PDE4B: variants seen among roughly 807,000 people sequenced by gnomAD.
The protein encoded by PDE4B is 3',5'-cyclic-AMP phosphodiesterase 4B.
PDE4B carries 20 observed loss-of-function variants against 82.2 expected under a neutral mutation model. That is an observed-to-expected ratio of 0.24 (90% CI 0.17 to 0.35). PDE4B has a LOEUF of 0.35. Among genes scored for constraint, PDE4B ranks in the 10% least tolerant of loss-of-function variants. PDE4B has a pLI of 1.00. For missense variants in PDE4B, 655 were observed against 907.2 expected (o/e 0.72, Z 3.57); for synonymous variants, 320 against 318.9 (o/e 1.00, Z -0.04).
At chr1:66,332,643 A>T (rs1408065617) in intron 8 of PDE4B, 23 bp downstream of exon 8, 1 of 1,607,098 alleles carries the variant, frequency 6.2e-7, no homozygotes, top group African/African-American at 1.3e-5. Flanking sequence ...CTTTTTATTC[A>T]TTAAAGTGTG....
chr1:65,879,181 G>C (rs1447976064), intron 1 of PDE4B, among the ~76,000 whole-genome samples: 2 of 152,104 alleles, frequency 1.3e-5, no homozygotes, highest in Non-Finnish European at 2.9e-5. Context: ...ATATGCAGTA[G>C]TCAAAATTCT....
intron 1 of PDE4B, among the ~76,000 whole-genome samples, chr1:65,819,787 T>G (rs1645932261): frequency 6.6e-6 from 1 of 152,120 alleles, no homozygotes; most frequent in Non-Finnish European, 1.5e-5. Flanking sequence ...GCCTGGCATA[T>G]TCTCTTGTTT....
intron 3 of PDE4B, among the ~76,000 whole-genome samples, chr1:65,927,907 G>A (rs1241929596): frequency 6.6e-6 from 1 of 152,058 alleles, no homozygotes; most frequent in Non-Finnish European, 1.5e-5. Context: ...ATGAGTCCGG[G>A]AACCCACTGG....
chr1:65,926,884 A>G (rs1321417224), intron 3 of PDE4B, among the ~76,000 whole-genome samples: 1 of 152,182 alleles, frequency 6.6e-6, no homozygotes, highest in Non-Finnish European at 1.5e-5. Context: ...AAAAACAGAC[A>G]TATAGAGGAA....
chr1:66,029,730 C>A (rs1252961477), intron 3 of PDE4B, among the ~76,000 whole-genome samples: 2 of 152,060 alleles, frequency 1.3e-5, no homozygotes, highest in South Asian at 2.1e-4. Context: ...ATCTTTACAG[C>A]ATAATGAATT....
At chr1:66,248,740 G>C (rs945651015) in intron 4 of PDE4B, among the ~76,000 whole-genome samples, 2 of 152,198 alleles carry the variant, frequency 1.3e-5, no homozygotes, top group Admixed American at 6.5e-5. Flanking sequence ...CAAAAAATGT[G>C]CATGCTGTCA....
intron 7 of PDE4B, among the ~76,000 whole-genome samples, chr1:66,299,985 T>C (rs1366242330): frequency 6.6e-6 from 1 of 152,186 alleles, no homozygotes; most frequent in Non-Finnish European, 1.5e-5. Context: ...GAATTAATAA[T>C]GGCATGAATA....
chr1:66,074,619 G>C (rs1007370073), intron 3 of PDE4B, among the ~76,000 whole-genome samples: 4 of 151,996 alleles, frequency 2.6e-5, no homozygotes, highest in African/African-American at 9.7e-5. Flanking sequence ...TGTACCCATT[G>C]AACCAGTTGC....
At chr1:66,067,349 T>G (rs911605901) in intron 3 of PDE4B, among the ~76,000 whole-genome samples, 2 of 152,106 alleles carry the variant, frequency 1.3e-5, no homozygotes, top group African/African-American at 4.8e-5. Flanking sequence ...CTCCAGCACC[T>G]GTTGTTTCCT....
chr1:66,056,557 A>G (rs1201598179), intron 3 of PDE4B, among the ~76,000 whole-genome samples: 1 of 140,332 alleles, frequency 7.1e-6, no homozygotes, highest in Non-Finnish European at 1.6e-5. Flanking sequence ...CTATCTATCT[A>G]TATCCTTACT....
intron 3 of PDE4B, among the ~76,000 whole-genome samples, chr1:65,997,908 A>C (rs1651639868): frequency 6.6e-6 from 1 of 152,196 alleles, no homozygotes; most frequent in Non-Finnish European, 1.5e-5. Flanking sequence ...AGAGTGAGTC[A>C]ATGTGTTAAG....
rs565976473 is a variant in PDE4B at position 66,324,981 on chromosome 1, G to GA, written c.635-7521dup. On this transcript the variant is annotated intron_variant, in intron 7 of 16. Transcript: ENST00000341517. Reference sequence around the variant, plus strand: ...AGAAAAATTATATCTAACTCTAAGGGAAAAAATCACAACCAAGATTGCCAA... The same window carrying GA: ...AGAAAAATTATATCTAACTCTAAGGGAAAAAAATCACAACCAAGATTGCCAA... Among the ~76,000 whole-genome samples the GA allele has an allele frequency of 2.2e-3, 336 of 152,212 alleles. 1 individual carries two copies. The highest frequency in any genetic ancestry group is 7.7e-3 in the African/African-American group (318 of 41,542).
chr1:66,063,742 G>C (rs993199312), intron 3 of PDE4B, among the ~76,000 whole-genome samples: 1 of 152,006 alleles, frequency 6.6e-6, no homozygotes, highest in South Asian at 2.1e-4. Context: ...GGGTAAAATA[G>C]TTTCTTTTTT....
intron 3 of PDE4B, among the ~76,000 whole-genome samples, chr1:66,054,669 A>T (rs1277832183): frequency 1.3e-5 from 2 of 152,068 alleles, no homozygotes; most frequent in Non-Finnish European, 2.9e-5. Context: ...TTGATATTTT[A>T]TTCTTCCCTT....
intron 7 of PDE4B, among the ~76,000 whole-genome samples, chr1:66,308,609 A>G (rs1658447930): frequency 6.6e-6 from 1 of 152,146 alleles, no homozygotes; most frequent in Admixed American, 6.6e-5. Context: ...TATTTAATGT[A>G]CTTTTTAATA....
chr1:66,148,910 A>G (rs1029654905), intron 3 of PDE4B, among the ~76,000 whole-genome samples: 2 of 152,212 alleles, frequency 1.3e-5, no homozygotes, highest in Admixed American at 1.3e-4. Context: ...TCATCAGTTG[A>G]TGAACATTTG....
chr1:65,826,483 C>T (rs1646018918), intron 1 of PDE4B, among the ~76,000 whole-genome samples: 1 of 152,092 alleles, frequency 6.6e-6, no homozygotes, highest in Non-Finnish European at 1.5e-5. Flanking sequence ...ACCAGGTACT[C>T]AGAGTTACTT....
chr1:66,314,187 A>G (rs1049463832), intron 7 of PDE4B, among the ~76,000 whole-genome samples: 8 of 152,244 alleles, frequency 5.3e-5, no homozygotes, highest in Admixed American at 3.9e-4. Context: ...TCTAGCCTAC[A>G]CAGGTAATCC....
In PDE4B at chr1:65,920,885, C is replaced by T. The variant is rs1269302387; in HGVS notation, c.281+2050C>T. On this transcript the variant is annotated intron_variant, in intron 3 of 16. Transcript: ENST00000341517. ...GTGTTTTATTTCAATTAACAGGATA[C>T]TTTTTAAAGTATGAGAATAGAGTAT... Among the ~76,000 whole-genome samples, 29 of 142,268 alleles carry T rather than the reference C, an allele frequency of 2.0e-4. No individual in the cohort carries two copies. The Admixed American group carries it at 2.1e-3, about 10-fold the overall frequency. 93.3% of individuals were successfully genotyped at this position (142,268 alleles called of 152,430 possible).
Sources: gnomAD v4.1 joint callset for allele counts (sites outside exome capture counted in the v4.1 genomes callset) on GRCh38, gnomAD v4.1.1 for gene constraint, MANE v1.5 for transcripts, NCBI Gene and HGNC (gene_info 2026-07-23, HGNC 2026-07-21) for gene names.